APOL3: variants seen among roughly 807,000 people sequenced by gnomAD.
APOL3 encodes apolipoprotein L3, also known as TNF-inducible protein CG12-1.
Under a neutral mutation model 11.6 loss-of-function variants are expected in APOL3, and 14 were observed. That is an observed-to-expected ratio of 1.21 (90% confidence interval 0.80 to 1.89). The LOEUF (loss-of-function observed/expected upper bound fraction) is 1.89, where lower values mean the gene tolerates loss of function less well. Ranked by LOEUF, APOL3 falls within the 40% of genes most tolerant of loss-of-function variation. The probability of loss-of-function intolerance (pLI) is 0.00; values close to 1 mark genes in which losing one functional copy is unlikely to be tolerated. For missense variants in APOL3, 483 were observed against 492.1 expected (o/e 0.98, Z 0.17); for synonymous variants, 192 against 190.6 (o/e 1.01, Z -0.06).
At chr22:36,146,696 G>T (rs1024514346) in intron 1 of APOL3, among the ~76,000 whole-genome samples, 1 of 151,894 alleles carries the variant, frequency 6.6e-6, no homozygotes, top group African/African-American at 2.4e-5. Context: ...CTCCCACACT[G>T]GTCAACGCTA....
At chr22:36,145,093 G>T (rs919584193) in intron 2 of APOL3, among the ~76,000 whole-genome samples, 4 of 151,682 alleles carry the variant, frequency 2.6e-5, no homozygotes, top group Non-Finnish European at 1.5e-5. Context: ...TTTTTAAAAG[G>T]TAACATTAAC....
At chr22:36,164,994 T>C (rs561353238), upstream of APOL3, 1 of 152,232 alleles carries the variant, frequency 6.6e-6, no homozygotes, top group African/African-American at 2.4e-5. Context: ...ACATGACAAA[T>C]CACATTTTTG....
chr22:36,141,418 G>C (rs535266188), exon 3 of APOL3: 4 of 1,614,108 alleles, frequency 2.5e-6, no homozygotes, highest in Non-Finnish European at 3.4e-6. Context: ...CTCACTGCCC[G>C]GGTGGTGCCT....
chr22:36,149,969 G>A (rs1382168206), intron 1 of APOL3: 2 of 441,608 alleles, frequency 4.5e-6, no homozygotes, highest in Middle Eastern at 3.3e-4. Flanking sequence ...ACCACGCTAG[G>A]CACATTAAAA....
chr22:36,145,023 A>G (rs1337335809), intron 2 of APOL3, among the ~76,000 whole-genome samples: 2 of 86,082 alleles, frequency 2.3e-5, no homozygotes, highest in Non-Finnish European at 4.7e-5. Flanking sequence ...AAAAAAAAAA[A>G]AAGAAAAAAA....
upstream of APOL3, among the ~76,000 whole-genome samples, chr22:36,163,855 G>A: frequency 6.6e-6 from 1 of 152,242 alleles, no homozygotes; most frequent in East Asian, 1.9e-4. Flanking sequence ...AAATACACTT[G>A]TGAGACTTTA....
exon 3 of APOL3, chr22:36,140,892 A>C: frequency 3.3e-6 from 1 of 299,316 alleles, no homozygotes. Flanking sequence ...TGGTTCCTGC[A>C]CACCTCCCCT....
At chr22:36,148,920 C>CAGGGA in intron 1 of APOL3, 126 bp downstream of exon 2, 1 of 945,128 alleles carries the variant, frequency 1.1e-6, no homozygotes, top group Middle Eastern at 3.9e-4. Flanking sequence ...TTTTGGGGCT[C>CAGGGA]AGGGAAGACT....
chr22:36,141,805 A>T, exon 3 of APOL3: 1 of 1,614,206 alleles, frequency 6.2e-7, no homozygotes, highest in Non-Finnish European at 8.5e-7. Context: ...CCAGCAAGGG[A>T]CATGATGCCA....
chr22:36,140,844 G>C (rs774775570), exon 3 of APOL3: 1 of 216,990 alleles, frequency 4.6e-6, no homozygotes, highest in Non-Finnish European at 9.0e-6. Flanking sequence ...TCGGCTTTCT[G>C]CATTTTCAGC....
At chr22:36,141,180 C>T (rs776252974) in exon 3 of APOL3, 2 of 1,602,620 alleles carry the variant, frequency 1.2e-6, no homozygotes, top group East Asian at 4.5e-5. Flanking sequence ...ACCTCCCCTG[C>T]TGGCTGCACT....
intron 2 of APOL3, among the ~76,000 whole-genome samples, chr22:36,144,393 G>A (rs576035092): frequency 8.5e-5 from 13 of 152,116 alleles, no homozygotes. Flanking sequence ...CCTCTGACCT[G>A]CTGTTCATTC....
chr22:36,141,132 T>C, exon 3 of APOL3: 2 of 1,547,296 alleles, frequency 1.3e-6, no homozygotes, highest in Non-Finnish European at 8.7e-7. Flanking sequence ...ATCCCCCTAA[T>C]AAAATGCCTG....
chr22:36,141,878 A>G (rs754343121), exon 3 of APOL3: 29 of 1,614,084 alleles, frequency 1.8e-5, no homozygotes, highest in Non-Finnish European at 2.2e-5. Flanking sequence ...GGACCTCTTC[A>G]ATACCATTTG....
chr22:36,141,643 T>G, exon 3 of APOL3: 1 of 1,614,144 alleles, frequency 6.2e-7, no homozygotes, highest in Middle Eastern at 1.6e-4. Flanking sequence ...CTGGTTGCAG[T>G]CAGCCTGCTG....
rs1427663770 is a variant in APOL3, at chr22:36,153,338, T to G, written c.223+7331A>C. 2 of 454,958 alleles carry G rather than the reference T, an allele frequency of 4.4e-6. 1 individual carries two copies. Among genetic ancestry groups the G allele is most frequent in the African/African-American group, 4.0e-5 (2 of 50,016 alleles). 28.2% of individuals were successfully genotyped at this position (454,958 alleles called of 1,614,324 possible). A position where few individuals can be genotyped will look rare whatever the true frequency, so the allele number is the denominator to read the frequency against. On this transcript the variant is annotated intron_variant, in intron 1 of 2. Coordinates refer to ENST00000349314, the Ensembl canonical transcript of APOL3. ...CCACCTTAAAGTTGATGGAGAAGTGTGAGCAAGTGCCAAAGAGAAATACAC... is the reference window on the plus strand; with the variant it reads ...CCACCTTAAAGTTGATGGAGAAGTGGGAGCAAGTGCCAAAGAGAAATACAC...
intron 1 of APOL3, 31 bp downstream of exon 2, chr22:36,149,015 C>A (rs762478574): frequency 7.3e-7 from 1 of 1,367,928 alleles, no homozygotes; most frequent in East Asian, 4.5e-5. Context: ...CGAGTAGGAA[C>A]CAGCCAGGGA....
chr22:36,143,866 C>T (rs1266159875), intron 2 of APOL3, among the ~76,000 whole-genome samples: 1 of 152,212 alleles, frequency 6.6e-6, no homozygotes, highest in Non-Finnish European at 1.5e-5. Context: ...AAAATCATCT[C>T]TATAAATCAC....
intron 1 of APOL3, among the ~76,000 whole-genome samples, chr22:36,155,100 C>G (rs5995231): frequency 0.053 from 8,032 of 152,228 alleles, 578 homozygotes; most frequent in African/African-American, 0.17. Flanking sequence ...GCAGCCCCAG[C>G]CTGGAAACAT....
Sources: gnomAD v4.1 joint callset for allele counts (sites outside exome capture counted in the v4.1 genomes callset) on GRCh38, gnomAD v4.1.1 for gene constraint, MANE v1.5 for transcripts, NCBI Gene and HGNC (gene_info 2026-07-23, HGNC 2026-07-21) for gene names.